Variants in NEDD4 observed in about 807,000 individuals in gnomAD.
NEDD4 encodes NEDD4 E3 ubiquitin protein ligase.
A neutral mutation model predicts 144.9 loss-of-function variants in NEDD4; 99 were observed. That is an observed-to-expected ratio of 0.68 (90% CI 0.58 to 0.81). The LOEUF (loss-of-function observed/expected upper bound fraction) is 0.81. Among genes scored for constraint, NEDD4 ranks in the 30% least tolerant of loss-of-function variants. NEDD4 has a pLI of 0.00. For missense variants in NEDD4, 985 were observed against 1,065.9 expected (o/e 0.92, Z 1.06); for synonymous variants, 318 against 350.6 (o/e 0.91, Z 1.04).
Position 55,860,537 on chromosome 15 carries a change from T to C in NEDD4, c.830A>G (p.Tyr277Cys), listed in dbSNP as rs763606586. Reference protein sequence around the residue: ...EIIREDEATMYSNQAFPSPPP... With the variant: ...EIIREDEATMCSNQAFPSPPP... Reference sequence around the variant, plus strand: ...AGGTGATGGGAAGGCCTGGTTGCTATACATGGTGGCTTCATCTTCTCTTAT... The same window carrying C: ...AGGTGATGGGAAGGCCTGGTTGCTACACATGGTGGCTTCATCTTCTCTTAT... Residue 277 changes from tyrosine (Y) to cysteine (C), a missense_variant, in exon 11 of 29, where the codon TAT becomes TGT. Transcript: ENST00000435532. 4 of 1,614,138 alleles carry C rather than the reference T, an allele frequency of 2.5e-6. No homozygotes were observed. The highest frequency in any genetic ancestry group is 2.2e-5 in the South Asian group (2 of 91,082).
chr15:55,993,592 C>T lies in NEDD4; in HGVS notation c.-37G>A. The T allele has an allele frequency of 3.8e-6, 6 of 1,586,334 alleles. No homozygotes were observed. Among genetic ancestry groups the T allele is most frequent in the Non-Finnish European group, 5.1e-6 (6 of 1,169,508 alleles). ...TCCAGCAAACCGGACGCGCTCGCCC[C>T]CGCCCAGGGCAGGCAACTGTGGAGG... On this transcript the variant is annotated 5_prime_UTR_variant, in exon 1 of 29. Coordinates refer to ENST00000435532, the MANE Select transcript of NEDD4 (RefSeq NM_006154.4).
rs188963746 is a variant in NEDD4, at chr15:55,853,646, T to C, written c.1027-1103A>G. Among the ~76,000 whole-genome samples the C allele has an allele frequency of 9.8e-5, 15 of 152,310 alleles. 1 individual carries two copies. Among genetic ancestry groups the C allele is most frequent in the East Asian group, 7.7e-4 (4 of 5,182 alleles). On this transcript the variant is annotated intron_variant, in intron 12 of 28. Transcript: ENST00000435532. ...GAGAATGCTATTTATCATAGTTTGT[T>C]ACAAATGAATAAAGAGAAGTCTGGT... is the stretch of plus-strand genomic sequence containing the variant.
At chr15:55,903,686 G>A (rs1235058312) in intron 5 of NEDD4, among the ~76,000 whole-genome samples, 4 of 151,564 alleles carry the variant, frequency 2.6e-5, no homozygotes, top group African/African-American at 4.9e-5. Flanking sequence ...TTAGCTGGGC[G>A]TGGTGGCAGG....
intron 5 of NEDD4, among the ~76,000 whole-genome samples, chr15:55,889,642 T>A (rs1394138899): frequency 6.6e-6 from 1 of 152,120 alleles, no homozygotes; most frequent in Admixed American, 6.6e-5. Context: ...GATCTAGTAT[T>A]TGATAGCAGA....
chr15:55,848,379 G>C lies in NEDD4; in HGVS notation c.1535C>G (p.Thr512Ser), dbSNP rs1434433778. The C allele has an allele frequency of 1.9e-6, 3 of 1,613,938 alleles. No homozygotes were observed. Among genetic ancestry groups the C allele is most frequent in the African/African-American group, 1.3e-5 (1 of 74,908 alleles). The change falls in exon 17 of 29, where the codon ACT becomes AGT. Residue 512 changes from threonine to serine, a missense_variant. By Grantham distance (58) the Thr-to-Ser change is moderately conservative (BLOSUM62 1). Transcript: ENST00000435532. ...ACTGGCAGAGAGACTTACTGGTCCAGTTATTGCTACATTCTCCAACCGAGG... is the reference window on the plus strand; with the variant it reads ...ACTGGCAGAGAGACTTACTGGTCCACTTATTGCTACATTCTCCAACCGAGG... Reference protein sequence around the residue: ...EDPRLENVAITGPAVPYSRDY... With the variant: ...EDPRLENVAISGPAVPYSRDY...
chr15:55,988,700 G>C (rs1019464750), intron 1 of NEDD4, among the ~76,000 whole-genome samples: 9 of 152,230 alleles, frequency 5.9e-5, no homozygotes, highest in Admixed American at 2.6e-4. Flanking sequence ...AGCTTGGAAG[G>C]GGGTATGGTT....
chr15:55,833,647 C>T (rs1015979228), intron 26 of NEDD4, among the ~76,000 whole-genome samples: 1 of 151,994 alleles, frequency 6.6e-6, no homozygotes, highest in Non-Finnish European at 1.5e-5. Flanking sequence ...GGAGACAGAG[C>T]GAGACTCCAT....
intron 11 of NEDD4, among the ~76,000 whole-genome samples, chr15:55,857,175 C>T (rs1213304716): frequency 6.6e-6 from 1 of 152,074 alleles, no homozygotes; most frequent in Non-Finnish European, 1.5e-5. Context: ...TGTATGCATG[C>T]ATGTTTATGA....
chr15:55,981,676 T>C (rs2037806825), intron 1 of NEDD4, among the ~76,000 whole-genome samples: 2 of 152,194 alleles, frequency 1.3e-5, no homozygotes, highest in Non-Finnish European at 2.9e-5. Flanking sequence ...AAGCAGTAGT[T>C]CTCAAAGTGG....
At chr15:55,845,369 A>C (rs1005406667) in intron 18 of NEDD4, among the ~76,000 whole-genome samples, 16 of 152,178 alleles carry the variant, frequency 1.1e-4, no homozygotes, top group African/African-American at 3.6e-4. Context: ...CACATTACCT[A>C]TTCTCTCTGT....
At chr15:55,862,053 A>G (rs2034427889) in intron 9 of NEDD4, among the ~76,000 whole-genome samples, 1 of 152,178 alleles carries the variant, frequency 6.6e-6, no homozygotes, top group African/African-American at 2.4e-5. Flanking sequence ...ACAGAATTTT[A>G]TAGTGTCTTC....
intron 5 of NEDD4, among the ~76,000 whole-genome samples, chr15:55,897,355 A>G (rs1161087091): frequency 6.6e-6 from 1 of 152,160 alleles, no homozygotes; most frequent in African/African-American, 2.4e-5. Flanking sequence ...AGCTATTTAG[A>G]CCTGAGGAAG....
intron 5 of NEDD4, among the ~76,000 whole-genome samples, chr15:55,903,375 AT>A (rs2035973600): frequency 1.3e-5 from 2 of 152,128 alleles, no homozygotes; most frequent in Admixed American, 1.3e-4. Context: ...CATTTGCTAG[AT>A]TTGTGATTTT....
intron 5 of NEDD4, among the ~76,000 whole-genome samples, chr15:55,901,971 G>C (rs1401609485): frequency 1.3e-5 from 2 of 152,012 alleles, no homozygotes; most frequent in Non-Finnish European, 2.9e-5. Flanking sequence ...GGAACTAATA[G>C]AGTTACTTCA....
At chr15:55,956,875 C>T (rs1161906376) in intron 2 of NEDD4, among the ~76,000 whole-genome samples, 1 of 152,162 alleles carries the variant, frequency 6.6e-6, no homozygotes, top group Non-Finnish European at 1.5e-5. Flanking sequence ...TGTGCCAAAT[C>T]TAATCAATTT....
At chr15:55,844,805 C>CA (rs2033672026) in intron 18 of NEDD4, among the ~76,000 whole-genome samples, 1 of 135,254 alleles carries the variant, frequency 7.4e-6, no homozygotes, top group Non-Finnish European at 1.6e-5. Context: ...CACCGGTTTT[C>CA]AATTTTTTTT....
chr15:55,876,276 T>C (rs1334001037), intron 5 of NEDD4, among the ~76,000 whole-genome samples: 1 of 151,946 alleles, frequency 6.6e-6, no homozygotes, highest in Non-Finnish European at 1.5e-5. Flanking sequence ...AGGCTGAGGA[T>C]AAGTGGCACC....
At chr15:55,958,005 A>G (rs1183449268) in intron 2 of NEDD4, among the ~76,000 whole-genome samples, 2 of 152,154 alleles carry the variant, frequency 1.3e-5, no homozygotes, top group Non-Finnish European at 2.9e-5. Flanking sequence ...GCATTAGGAG[A>G]TATACCTAAT....
chr15:55,908,060 TC>T (rs1246455322), intron 5 of NEDD4, among the ~76,000 whole-genome samples: 1 of 152,198 alleles, frequency 6.6e-6, no homozygotes, highest in African/African-American at 2.4e-5. Context: ...CCACTCATCA[TC>T]ACAGTCATCA....
Sources: allele counts gnomAD v4.1 joint callset (sites outside exome capture counted in the v4.1 genomes callset), GRCh38; gene constraint gnomAD v4.1.1; transcripts MANE v1.5; gene names NCBI Gene and HGNC (gene_info 2026-07-23, HGNC 2026-07-21).